The following HS3ST5 variants were observed in gnomAD, a reference collection of about 807,000 sequenced individuals.
The protein encoded by HS3ST5 is heparan sulfate-glucosamine 3-sulfotransferase 5, also known as heparan sulfate glucosamine 3-O-sulfotransferase 5.
A neutral mutation model predicts 25.4 loss-of-function variants in HS3ST5; 10 were observed. The ratio of observed to expected loss-of-function variants is 0.39; its 90% CI spans 0.24 to 0.67. The LOEUF (loss-of-function observed/expected upper bound fraction) is 0.67, where lower values mean the gene tolerates loss of function less well. Ranked by LOEUF, HS3ST5 falls within the 30% of genes least tolerant of loss-of-function variation. HS3ST5 has a pLI of 0.44. For synonymous variants in HS3ST5, 170 were observed against 162.4 expected (o/e 1.05, Z -0.36); for missense variants, 324 against 420.7 (o/e 0.77, Z 2.01).
intron 2 of HS3ST5, among the ~76,000 whole-genome samples, chr6:114,217,991 C>T (rs1283567866): frequency 6.6e-6 from 1 of 152,006 alleles, no homozygotes; most frequent in Non-Finnish European, 1.5e-5. Context: ...ATACGTATTT[C>T]TTCTTTTCTT....
chr6:114,290,624 T>A (rs1472893420), intron 1 of HS3ST5, among the ~76,000 whole-genome samples: 1 of 152,112 alleles, frequency 6.6e-6, no homozygotes, highest in Non-Finnish European at 1.5e-5. Context: ...TACTATGAAT[T>A]TTTTTTAATG....
In HS3ST5 at chr6:114,194,952, C is replaced by A. The variant is rs986279568; in HGVS notation, c.-144-26490G>T. Among the ~76,000 whole-genome samples the A allele has an allele frequency of 2.0e-5, 3 of 152,236 alleles. No individual in the cohort carries two copies. In the South Asian group the frequency reaches 6.2e-4, roughly 32 times the overall value. On this transcript the variant is annotated intron_variant, in intron 2 of 4. Coordinates refer to ENST00000312719, the MANE Select transcript of HS3ST5 (RefSeq NM_153612.4). Reference sequence around the variant, plus strand: ...AGAATAGCCACCTTGCAGGCTGCAACTCTTTATGAGAAATAAAGCTCTCCT... The same window carrying A: ...AGAATAGCCACCTTGCAGGCTGCAAATCTTTATGAGAAATAAAGCTCTCCT...
At chr6:114,335,513 T>C (rs1187722958) in intron 1 of HS3ST5, among the ~76,000 whole-genome samples, 5 of 152,168 alleles carry the variant, frequency 3.3e-5, no homozygotes, top group Non-Finnish European at 5.9e-5. Flanking sequence ...AATATTTCAA[T>C]TCCATAGCAA....
intron 3 of HS3ST5, among the ~76,000 whole-genome samples, chr6:114,166,959 A>C (rs548399598): frequency 6.6e-6 from 1 of 152,336 alleles, no homozygotes; most frequent in East Asian, 1.9e-4. Flanking sequence ...AGCATACTTT[A>C]GTTTAAAACT....
intron 2 of HS3ST5, among the ~76,000 whole-genome samples, chr6:114,220,217 T>C (rs1291872193): frequency 6.6e-6 from 1 of 152,108 alleles, no homozygotes; most frequent in African/African-American, 2.4e-5. Flanking sequence ...AATCCATTTA[T>C]AAGCACCAAA....
chr6:114,094,460 A>G (rs1775314777), intron 3 of HS3ST5, among the ~76,000 whole-genome samples: 1 of 152,244 alleles, frequency 6.6e-6, no homozygotes, highest in Non-Finnish European at 1.5e-5. Context: ...ACTGAAGAAC[A>G]AATTCCTGTT....
At chr6:114,072,466 A>T (rs1043264158) in intron 3 of HS3ST5, among the ~76,000 whole-genome samples, 1 of 152,120 alleles carries the variant, frequency 6.6e-6, no homozygotes, top group Non-Finnish European at 1.5e-5. Context: ...AAGTAGAGTA[A>T]AGCAAAGGTA....
At chr6:114,141,364 T>A (rs1001266521) in intron 3 of HS3ST5, among the ~76,000 whole-genome samples, 2 of 152,248 alleles carry the variant, frequency 1.3e-5, no homozygotes, top group South Asian at 4.1e-4. Context: ...ATATCAGCAA[T>A]GAAGAAGTCA....
intron 3 of HS3ST5, among the ~76,000 whole-genome samples, chr6:114,077,610 T>C (rs1284116076): frequency 6.6e-6 from 1 of 152,166 alleles, no homozygotes; most frequent in Non-Finnish European, 1.5e-5. Context: ...AGAGTTCCAG[T>C]TAACTGGATT....
intron 2 of HS3ST5, among the ~76,000 whole-genome samples, chr6:114,224,984 C>T (rs1219379836): frequency 6.6e-6 from 1 of 151,594 alleles, no homozygotes; most frequent in East Asian, 1.9e-4. Flanking sequence ...CTCTTGATAA[C>T]AATATTTCCT....
At chr6:114,217,991 CTTCTT>C (rs893871941) in intron 2 of HS3ST5, among the ~76,000 whole-genome samples, 1 of 152,006 alleles carries the variant, frequency 6.6e-6, no homozygotes, top group African/African-American at 2.4e-5. Context: ...ATACGTATTT[CTTCTT>C]TTCTTTTCTT....
At chr6:114,126,254 CT>C (rs1261638841) in intron 3 of HS3ST5, among the ~76,000 whole-genome samples, 4 of 152,014 alleles carry the variant, frequency 2.6e-5, no homozygotes, top group African/African-American at 9.7e-5. Context: ...GACTTTATAA[CT>C]TTTTTTTATA....
intron 3 of HS3ST5, among the ~76,000 whole-genome samples, chr6:114,145,536 G>A (rs937512876): frequency 6.6e-6 from 1 of 152,180 alleles, no homozygotes; most frequent in Non-Finnish European, 1.5e-5. Flanking sequence ...AAGCCTGCCT[G>A]ATTAGAAGGA....
In HS3ST5 at chr6:114,250,598, T is replaced by A. The variant is rs868063388; in HGVS notation, c.-338-21820A>T. 1.9e-3 allele frequency among the ~76,000 whole-genome samples: 290 copies of A among 150,434 alleles called. 1 individual carries two copies. The highest frequency in any genetic ancestry group is 6.5e-3 in the African/African-American group (266 of 40,818). On this transcript the variant is annotated intron_variant, in intron 1 of 4. Transcript: ENST00000312719. The stretch of plus-strand genomic sequence containing the variant: ...TCCGTCTCAAAAAAAAAAAAAAAAA[T>A]TTATCAGAGAAAGTGAAGAATTCAC...
At position 114,097,452 on chromosome 6, in the gene HS3ST5, A is replaced by G. The variant is rs1174909047; in HGVS notation, c.-32-34575T>C. On this transcript the variant is annotated intron_variant, in intron 3 of 4. Transcript: ENST00000312719. ...AAGCATTATTACCAGGGAAGGAAAT[A>G]TTGGGTATTTAGCATCCTTTATATT... Among the ~76,000 whole-genome samples, 6 of 152,098 alleles carry G rather than the reference A, an allele frequency of 3.9e-5. No homozygotes were observed. In the East Asian group the frequency reaches 1.2e-3, roughly 29 times the overall value.
intron 1 of HS3ST5, among the ~76,000 whole-genome samples, chr6:114,258,757 C>G (rs536007982): frequency 6.6e-6 from 1 of 152,096 alleles, no homozygotes; most frequent in East Asian, 1.9e-4. Context: ...TTTTAACTAC[C>G]TGGAGTCCCT....
rs984363752 is a variant in HS3ST5, at chr6:114,207,703, A to G, written c.-145+20882T>C. ...CCCATTTGTCTTTTACACCTTTCCA[A>G]TGAAAAAAAATCTTGGTGATACATA... On this transcript the variant is annotated intron_variant, in intron 2 of 4. Coordinates refer to ENST00000312719, the MANE Select transcript of HS3ST5 (RefSeq NM_153612.4). Among the ~76,000 whole-genome samples the G allele has an allele frequency of 4.6e-5, 7 of 152,246 alleles. No homozygotes were observed. The East Asian group carries it at 1.2e-3, about 25-fold the overall frequency.
intron 1 of HS3ST5, among the ~76,000 whole-genome samples, chr6:114,254,594 A>C (rs1016000033): frequency 4.6e-5 from 7 of 152,178 alleles, no homozygotes; most frequent in Admixed American, 4.6e-4. Flanking sequence ...CGAGAGTGGG[A>C]AAATTACAAA....
chr6:114,166,874 T>C (rs752866920), intron 3 of HS3ST5, among the ~76,000 whole-genome samples: 1 of 152,160 alleles, frequency 6.6e-6, no homozygotes, highest in Non-Finnish European at 1.5e-5. Flanking sequence ...ATTAGCTCAC[T>C]AAAAAAAGGT....
Sources: allele counts gnomAD v4.1 joint callset (sites outside exome capture counted in the v4.1 genomes callset), GRCh38; gene constraint gnomAD v4.1.1; transcripts MANE v1.5; gene names NCBI Gene and HGNC (gene_info 2026-07-23, HGNC 2026-07-21).